Variants in QTMAN observed in about 807,000 individuals in gnomAD.
QTMAN encodes the protein tRNA-queuosine alpha-mannosyltransferase.
the QTMAN span, among the ~76,000 whole-genome samples, chr2:144,162,051 T>C: frequency 1.3e-5 from 2 of 152,202 alleles, no homozygotes; most frequent in Non-Finnish European, 2.9e-5. Flanking sequence ...CTTCAAGTGA[T>C]AAATGGTTCA....
At chr2:144,308,273 T>TCTC in the QTMAN span, among the ~76,000 whole-genome samples, 1 of 151,518 alleles carries the variant, frequency 6.6e-6, no homozygotes, top group African/African-American at 2.4e-5. Flanking sequence ...TTCAAGCGAT[T>TCTC]CTCCTGCCTC....
chr2:144,287,208 G>A, the QTMAN span, among the ~76,000 whole-genome samples: 251 of 152,236 alleles, frequency 1.6e-3, no homozygotes, highest in Middle Eastern at 0.01. Flanking sequence ...AGGCCAAAGC[G>A]GGCGGATCAC....
chr2:144,306,511 T>C, the QTMAN span, among the ~76,000 whole-genome samples: 1 of 152,052 alleles, frequency 6.6e-6, no homozygotes, highest in African/African-American at 2.4e-5. Context: ...TGAACTCTAG[T>C]TTTTCCTTCT....
At chr2:144,020,441 G>A in the QTMAN span, among the ~76,000 whole-genome samples, 1 of 152,298 alleles carries the variant, frequency 6.6e-6, no homozygotes, top group South Asian at 2.1e-4. Flanking sequence ...CGATTCTTCC[G>A]GTACACCAAG....
the QTMAN span, among the ~76,000 whole-genome samples, chr2:144,115,873 T>A: frequency 6.6e-6 from 1 of 152,116 alleles, no homozygotes; most frequent in Non-Finnish European, 1.5e-5. Flanking sequence ...TCAGAGAAAT[T>A]CTTTCACTAG....
the QTMAN span, among the ~76,000 whole-genome samples, chr2:144,001,403 C>T: frequency 1.3e-5 from 2 of 151,814 alleles, no homozygotes; most frequent in Non-Finnish European, 2.9e-5. Context: ...TGGACTTTTT[C>T]CTTTCTGAAT....
the QTMAN span, among the ~76,000 whole-genome samples, chr2:144,112,026 T>C: frequency 6.6e-6 from 1 of 152,248 alleles, no homozygotes; most frequent in Admixed American, 6.5e-5. Context: ...TTGTCAATTA[T>C]GTTTAAATGA....
chr2:144,296,683 A>C, the QTMAN span, among the ~76,000 whole-genome samples: 1 of 152,030 alleles, frequency 6.6e-6, no homozygotes, highest in Non-Finnish European at 1.5e-5. Flanking sequence ...TCAGAGACAC[A>C]CTCCAACACT....
the QTMAN span, among the ~76,000 whole-genome samples, chr2:144,003,771 T>G: frequency 6.6e-6 from 1 of 152,050 alleles, no homozygotes; most frequent in African/African-American, 2.4e-5. Context: ...TCACTTTTGA[T>G]TTTGATACAT....
the QTMAN span, among the ~76,000 whole-genome samples, chr2:144,249,415 C>G: frequency 6.6e-6 from 1 of 152,164 alleles, no homozygotes; most frequent in Non-Finnish European, 1.5e-5. Flanking sequence ...AGAGGAGTCA[C>G]AGAGAACAGA....
At chr2:144,070,442 A>C in the QTMAN span, among the ~76,000 whole-genome samples, 1 of 152,126 alleles carries the variant, frequency 6.6e-6, no homozygotes, top group Non-Finnish European at 1.5e-5. Context: ...TATATTAACA[A>C]ACTCTATCTT....
At chr2:144,255,753 T>C in the QTMAN span, among the ~76,000 whole-genome samples, 1 of 152,252 alleles carries the variant, frequency 6.6e-6, no homozygotes, top group Non-Finnish European at 1.5e-5. Context: ...TAAAACTATG[T>C]TGTATGATAC....
At chr2:144,024,379 G>C in the QTMAN span, among the ~76,000 whole-genome samples, 2 of 152,344 alleles carry the variant, frequency 1.3e-5, no homozygotes, top group East Asian at 3.9e-4. Flanking sequence ...GTATGATGAA[G>C]TGGAAAAGGT....
chr2:144,194,147 G>A, the QTMAN span, among the ~76,000 whole-genome samples: 31 of 152,078 alleles, frequency 2.0e-4, no homozygotes, highest in Non-Finnish European at 3.2e-4. Context: ...GTCACTTAGG[G>A]GAACAGTACA....
At chr2:144,088,075 C>T in the QTMAN span, among the ~76,000 whole-genome samples, 3 of 151,856 alleles carry the variant, frequency 2.0e-5, no homozygotes, top group African/African-American at 7.3e-5. Context: ...TACCAAAAAC[C>T]TCTATTAGAT....
At chr2:144,134,563 A>G in the QTMAN span, among the ~76,000 whole-genome samples, 1 of 152,134 alleles carries the variant, frequency 6.6e-6, no homozygotes, top group Non-Finnish European at 1.5e-5. Context: ...GGAAAAACCC[A>G]CTGTTGTTTA....
At chr2:144,187,456 C>A in the QTMAN span, among the ~76,000 whole-genome samples, 1 of 152,178 alleles carries the variant, frequency 6.6e-6, no homozygotes, top group Non-Finnish European at 1.5e-5. Context: ...ACTCATGAGC[C>A]ATCCAGCCCC....
At chr2:144,043,462 C>T in the QTMAN span, among the ~76,000 whole-genome samples, 1 of 151,876 alleles carries the variant, frequency 6.6e-6, no homozygotes, top group Non-Finnish European at 1.5e-5. Context: ...GGTGAAACCC[C>T]ATCTCTATTA....
chr2:144,250,560 A>T, the QTMAN span, among the ~76,000 whole-genome samples: 1 of 152,174 alleles, frequency 6.6e-6, no homozygotes, highest in African/African-American at 2.4e-5. Flanking sequence ...AAAAACTTTT[A>T]TGTAAATTTG....
Sources: allele counts gnomAD v4.1 joint callset (sites outside exome capture counted in the v4.1 genomes callset), GRCh38; gene constraint gnomAD v4.1.1; transcripts MANE v1.5; gene names NCBI Gene and HGNC (gene_info 2026-07-23, HGNC 2026-07-21).